Variants in ZNF385D observed in about 807,000 individuals in gnomAD.
ZNF385D encodes zinc finger protein 659.
In ZNF385D, 15 loss-of-function variants were observed where a neutral mutation model predicts 35.8. That is an observed-to-expected ratio of 0.42 (90% CI 0.28 to 0.64). ZNF385D has a LOEUF of 0.64. ZNF385D is among the 30% of genes least tolerant of loss of function. The pLI is 0.23. For missense variants in ZNF385D, 474 were observed against 494.6 expected, an observed-to-expected ratio of 0.96 and a Z score of 0.39; for synonymous variants, 212 against 186.8, an observed-to-expected ratio of 1.13 and a Z score of -1.10.
chr3:21,732,493 T>C (rs1177008481), intron 1 of ZNF385D, among the ~76,000 whole-genome samples: 1 of 152,322 alleles, frequency 6.6e-6, no homozygotes, highest in Non-Finnish European at 1.5e-5. Flanking sequence ...CTGTAGCATT[T>C]TGTATTCTCA....
intron 3 of ZNF385D, among the ~76,000 whole-genome samples, chr3:21,912,443 C>T (rs1375320368): frequency 6.6e-6 from 1 of 151,980 alleles, no homozygotes; most frequent in Non-Finnish European, 1.5e-5. Context: ...CAGATACCTG[C>T]TTGATGGTAA....
intron 3 of ZNF385D, among the ~76,000 whole-genome samples, chr3:21,825,246 G>C (rs527366460): frequency 1.3e-5 from 2 of 152,258 alleles, no homozygotes; most frequent in South Asian, 4.1e-4. Context: ...TTGAGATCCA[G>C]GTGAAACCCC....
chr3:21,933,933 C>A (rs1701135446), intron 3 of ZNF385D, among the ~76,000 whole-genome samples: 1 of 143,690 alleles, frequency 7.0e-6, no homozygotes, highest in Non-Finnish European at 1.5e-5. Flanking sequence ...ATAAAAGGTA[C>A]TTAGCAAAGT....
At chr3:21,822,733 G>A (rs1040298745) in intron 3 of ZNF385D, among the ~76,000 whole-genome samples, 2 of 151,920 alleles carry the variant, frequency 1.3e-5, no homozygotes, top group African/African-American at 2.4e-5. Context: ...CTTATAGATT[G>A]GAACATAGCA....
intron 4 of ZNF385D, chr3:21,441,787 GT>G (rs1701873539): frequency 1.0e-6 from 1 of 960,310 alleles, no homozygotes; most frequent in South Asian, 4.8e-5. Context: ...TTTTCTTACT[GT>G]TTCCCAAAGG....
intron 2 of ZNF385D, among the ~76,000 whole-genome samples, chr3:21,628,478 T>G (rs1050906926): frequency 2.0e-5 from 3 of 151,434 alleles, no homozygotes; most frequent in African/African-American, 7.3e-5. Flanking sequence ...GAAAAAGGAT[T>G]TGTAGTAGTT....
chr3:21,858,610 C>A (rs988731603), intron 3 of ZNF385D, among the ~76,000 whole-genome samples: 4 of 152,178 alleles, frequency 2.6e-5, no homozygotes, highest in Non-Finnish European at 4.4e-5. Flanking sequence ...TCAGGAGACA[C>A]TGCATCTGCT....
intron 3 of ZNF385D, among the ~76,000 whole-genome samples, chr3:21,813,537 G>A (rs111233421): frequency 0.14 from 21,017 of 152,148 alleles, 1,861 homozygotes; most frequent in Non-Finnish European, 0.19. Context: ...ACCATGGCAC[G>A]AGAATTATGC....
At chr3:21,558,412 A>C (rs2062819349) in intron 3 of ZNF385D, among the ~76,000 whole-genome samples, 1 of 151,384 alleles carries the variant, frequency 6.6e-6, no homozygotes, top group African/African-American at 2.4e-5. Context: ...TTCGTTATTC[A>C]CCCGGTAGTC....
intron 2 of ZNF385D, among the ~76,000 whole-genome samples, chr3:21,620,883 A>G (rs2064986252): frequency 6.6e-6 from 1 of 152,166 alleles, no homozygotes; most frequent in African/African-American, 2.4e-5. Context: ...ATGCTGTGTT[A>G]TTACTATGCA....
chr3:21,706,307 A>G (rs1465653418), intron 1 of ZNF385D, among the ~76,000 whole-genome samples: 1 of 152,106 alleles, frequency 6.6e-6, no homozygotes, highest in East Asian at 1.9e-4. Context: ...TACAGTTCAC[A>G]TATCATACAA....
At chr3:22,310,667 G>T (rs938940888) in intron 2 of ZNF385D, among the ~76,000 whole-genome samples, 6 of 151,852 alleles carry the variant, frequency 4.0e-5, no homozygotes, top group African/African-American at 1.4e-4. Context: ...ACTTTTATCA[G>T]TTCTCTTTCT....
chr3:21,430,459 GGACCCTGT>G (rs1701243168), intron 5 of ZNF385D, among the ~76,000 whole-genome samples: 1 of 152,038 alleles, frequency 6.6e-6, no homozygotes, highest in South Asian at 2.1e-4. Context: ...GCTGCACAAT[GGACCCTGT>G]GACCAAAGGA....
At chr3:21,451,689 C>A (rs3913940) in intron 4 of ZNF385D, among the ~76,000 whole-genome samples, 42,038 of 151,922 alleles carry the variant, frequency 0.28, 6,462 homozygotes, top group East Asian at 0.43. Flanking sequence ...TAACAGTAGC[C>A]TCCTACATTT....
chr3:22,194,333 G>T (rs575150587), intron 2 of ZNF385D, among the ~76,000 whole-genome samples: 14 of 151,782 alleles, frequency 9.2e-5, no homozygotes, highest in African/African-American at 3.1e-4. Context: ...GGGCTTTGTT[G>T]TTGTTGTTTT....
intron 2 of ZNF385D, among the ~76,000 whole-genome samples, chr3:21,610,136 G>A (rs933780192): frequency 4.7e-5 from 5 of 105,670 alleles, no homozygotes; most frequent in Admixed American, 1.0e-4. Flanking sequence ...GGCAACAGTC[G>A]CATCTACCAA....
At chr3:22,079,725 T>C (rs937004159) in intron 3 of ZNF385D, among the ~76,000 whole-genome samples, 1 of 152,024 alleles carries the variant, frequency 6.6e-6, no homozygotes, top group African/African-American at 2.4e-5. Context: ...CATTTTCTCT[T>C]TGAAGGATGG....
At chr3:22,038,539 A>G (rs948066644) in intron 3 of ZNF385D, among the ~76,000 whole-genome samples, 3 of 152,206 alleles carry the variant, frequency 2.0e-5, no homozygotes, top group Non-Finnish European at 4.4e-5. Flanking sequence ...CATCATTATC[A>G]TTATAATCTA....
intron 3 of ZNF385D, among the ~76,000 whole-genome samples, chr3:21,994,744 T>C (rs559902532): frequency 6.6e-6 from 1 of 152,300 alleles, no homozygotes; most frequent in South Asian, 2.1e-4. Context: ...GTAGGGTGCT[T>C]TGGCTTTGAT....
Sources: gnomAD v4.1 joint callset for allele counts (sites outside exome capture counted in the v4.1 genomes callset) on GRCh38, gnomAD v4.1.1 for gene constraint, MANE v1.5 for transcripts, NCBI Gene and HGNC (gene_info 2026-07-23, HGNC 2026-07-21) for gene names.